Variants in SLC5A12 observed in about 807,000 individuals in gnomAD.
SLC5A12 encodes the protein solute carrier family 5 member 12.
Under a neutral mutation model 72.7 loss-of-function variants are expected in SLC5A12, and 46 were observed. The ratio of observed to expected loss-of-function variants is 0.63; its 90% CI spans 0.50 to 0.81. The LOEUF is 0.81. Ranked by LOEUF, SLC5A12 falls within the 30% of genes least tolerant of loss-of-function variation. The pLI, the probability that SLC5A12 is intolerant of heterozygous loss-of-function variation, is 0.00. For synonymous variants in SLC5A12, 275 were observed against 264.4 expected (o/e 1.04, Z -0.39); for missense variants, 683 against 740.7 (o/e 0.92, Z 0.90).
chr11:26,692,976 G>T (rs2133172753), intron 8 of SLC5A12, among the ~76,000 whole-genome samples: 2 of 152,200 alleles, frequency 1.3e-5, no homozygotes, highest in Middle Eastern at 3.4e-3. Flanking sequence ...CTCTAACCCA[G>T]GAATCAGTAG....
intron 4 of SLC5A12, among the ~76,000 whole-genome samples, chr11:26,707,283 C>A (rs954611546): frequency 1.3e-5 from 2 of 151,886 alleles, no homozygotes; most frequent in Non-Finnish European, 2.9e-5. Context: ...ACTAATGTAT[C>A]CAGGTATAAA....
intron 13 of SLC5A12, among the ~76,000 whole-genome samples, chr11:26,678,148 CT>C (rs1219105415): frequency 6.6e-6 from 1 of 152,104 alleles, no homozygotes; most frequent in Non-Finnish European, 1.5e-5. Context: ...TTTTGCTTTT[CT>C]AGTAAGTTAG....
chr11:26,713,271 G>A (rs1351860828), intron 1 of SLC5A12, among the ~76,000 whole-genome samples: 6 of 151,932 alleles, frequency 3.9e-5, no homozygotes, highest in East Asian at 3.9e-4. Context: ...TTCCATTGTC[G>A]GATCCACGCC....
chr11:26,669,187 TTTTCTTTC>T lies in SLC5A12; in HGVS notation c.*1907_*1914del, dbSNP rs762879641. ...TGTCTTTTTCTTTCTTTCTTTCTTC[TTTTCTTTC>T]TTTCTTTCTTTCTTTCTTTCTTTCT... is the stretch of plus-strand genomic sequence containing the variant. On this transcript the variant is annotated 3_prime_UTR_variant, in exon 15 of 15. Transcript: ENST00000396005. 4 of 111,004 alleles carry T rather than the reference TTTTCTTTC, an allele frequency of 3.6e-5. No individual in the cohort carries two copies. The highest frequency in any genetic ancestry group is 3.0e-4 in the East Asian group (1 of 3,284). 6.9% of individuals were successfully genotyped at this position (111,004 alleles called of 1,614,324 possible). A position where few individuals can be genotyped will look rare whatever the true frequency, so the allele number is the denominator to read the frequency against.
At chr11:26,689,355 G>A (rs1489418163) in intron 9 of SLC5A12, among the ~76,000 whole-genome samples, 2 of 151,936 alleles carry the variant, frequency 1.3e-5, no homozygotes, top group Non-Finnish European at 2.9e-5. Context: ...TCGAGATATC[G>A]CACCACTGCA....
upstream of SLC5A12, among the ~76,000 whole-genome samples, chr11:26,723,066 T>C (rs1411896682): frequency 6.6e-6 from 1 of 151,954 alleles, no homozygotes; most frequent in Non-Finnish European, 1.5e-5. Context: ...AGCAAAGCTC[T>C]AGTCCATATA....
chr11:26,692,646 C>A (rs369357804), intron 8 of SLC5A12, 45 bp from the exon 9 acceptor site: 7 of 1,394,306 alleles, frequency 5.0e-6, no homozygotes, highest in Admixed American at 1.7e-5. Context: ...CTATATAAGG[C>A]GGAGCTACCA....
intron 7 of SLC5A12, among the ~76,000 whole-genome samples, chr11:26,697,566 C>G (rs1554993260): frequency 6.6e-6 from 1 of 152,078 alleles, no homozygotes; most frequent in Non-Finnish European, 1.5e-5. Flanking sequence ...TTTGACAGAG[C>G]AGGACAGTTA....
At chr11:26,714,004 A>G (rs186190870) in intron 1 of SLC5A12, among the ~76,000 whole-genome samples, 74 of 152,140 alleles carry the variant, frequency 4.9e-4, no homozygotes, top group African/African-American at 1.7e-3. Context: ...ATAAGGATAT[A>G]TGTGATTGAT....
intron 10 of SLC5A12, among the ~76,000 whole-genome samples, chr11:26,684,383 T>A (rs1206699829): frequency 6.6e-6 from 1 of 152,148 alleles, no homozygotes; most frequent in African/African-American, 2.4e-5. Flanking sequence ...TAGCATTAAT[T>A]CACAGTTTCT....
At chr11:26,676,069 G>A (rs1250907548) in intron 13 of SLC5A12, among the ~76,000 whole-genome samples, 1 of 151,880 alleles carries the variant, frequency 6.6e-6, no homozygotes, top group Non-Finnish European at 1.5e-5. Context: ...AATTAGAATG[G>A]TATCAGATTT....
At chr11:26,697,492 G>T (rs1162502327) in intron 7 of SLC5A12, among the ~76,000 whole-genome samples, 2 of 152,034 alleles carry the variant, frequency 1.3e-5, no homozygotes, top group African/African-American at 4.8e-5. Context: ...CCTAAAAGAA[G>T]ACTTCAGGGA....
chr11:26,672,161 A>G (rs536463087), intron 14 of SLC5A12, among the ~76,000 whole-genome samples: 1 of 152,246 alleles, frequency 6.6e-6, no homozygotes, highest in Admixed American at 6.5e-5. Context: ...TAACTTCTGT[A>G]TTCTGAGCCT....
chr11:26,699,017 T>C (rs1854895349), intron 6 of SLC5A12, among the ~76,000 whole-genome samples: 1 of 152,198 alleles, frequency 6.6e-6, no homozygotes, highest in Non-Finnish European at 1.5e-5. Context: ...AGATAAAAGT[T>C]AGAGTTGGTT....
At chr11:26,676,450 A>G (rs1357885976) in intron 13 of SLC5A12, among the ~76,000 whole-genome samples, 2 of 152,138 alleles carry the variant, frequency 1.3e-5, no homozygotes, top group Non-Finnish European at 2.9e-5. Context: ...ATAGATTGAT[A>G]ACTAAAGATT....
intron 1 of SLC5A12, among the ~76,000 whole-genome samples, chr11:26,719,940 T>C (rs1489768892): frequency 6.6e-6 from 1 of 152,198 alleles, no homozygotes; most frequent in Non-Finnish European, 1.5e-5. Flanking sequence ...GCAAGTTACT[T>C]AATTCTATAT....
intron 8 of SLC5A12, among the ~76,000 whole-genome samples, chr11:26,693,243 A>G (rs1854726746): frequency 6.6e-6 from 1 of 152,194 alleles, no homozygotes; most frequent in African/African-American, 2.4e-5. Context: ...CACTGGGAAA[A>G]TCCATGCAAA....
intron 2 of SLC5A12, 134 bp downstream of exon 2, chr11:26,712,507 G>C: frequency 2.0e-6 from 1 of 506,474 alleles, no homozygotes; most frequent in Non-Finnish European, 3.5e-6. Context: ...CATATTAAAA[G>C]TGCTATCTTT....
chr11:26,699,530 A>T (rs1486724830), intron 6 of SLC5A12, among the ~76,000 whole-genome samples: 3 of 152,146 alleles, frequency 2.0e-5, no homozygotes, highest in African/African-American at 7.2e-5. Context: ...TTTTTATCTC[A>T]AAGTCTACTT....
Sources: allele counts gnomAD v4.1 joint callset (sites outside exome capture counted in the v4.1 genomes callset), GRCh38; gene constraint gnomAD v4.1.1; transcripts MANE v1.5; gene names NCBI Gene and HGNC (gene_info 2026-07-23, HGNC 2026-07-21).